Variants in ZFHX3 observed in about 807,000 individuals in gnomAD.
The protein encoded by ZFHX3 is zinc finger homeobox protein 3.
In ZFHX3, 42 loss-of-function variants were observed where a neutral mutation model predicts 279.1. That is an observed-to-expected ratio of 0.15 (90% CI 0.12 to 0.19). ZFHX3 has a LOEUF of 0.19. ZFHX3 is among the 10% of genes least tolerant of loss of function. The pLI is 1.00. For missense variants in ZFHX3, 4,981 were observed against 4,754.0 expected (o/e 1.05, Z -1.40); for synonymous variants, 2,293 against 1,957.8 (o/e 1.17, Z -4.52).
intron 8 of ZFHX3, chr16:73,083,345 A>T (rs1354587510): frequency 1.3e-5 from 2 of 152,268 alleles, no homozygotes; most frequent in African/African-American, 2.4e-5. Flanking sequence ...GTAGGATGTG[A>T]CATGGCTGGA....
intron 4 of ZFHX3, among the ~76,000 whole-genome samples, chr16:72,877,857 C>G (rs2144005500): frequency 6.6e-6 from 1 of 152,266 alleles, no homozygotes; most frequent in East Asian, 1.9e-4. Flanking sequence ...CAAAGAAGCC[C>G]CCTTAACTGG....
At chr16:73,647,118 TTC>T (rs2052626282) in intron 2 of ZFHX3, among the ~76,000 whole-genome samples, 2 of 151,286 alleles carry the variant, frequency 1.3e-5, no homozygotes, top group African/African-American at 4.9e-5. Flanking sequence ...GTTTACGCCA[TTC>T]TCCTGCCTCA....
chr16:73,591,076 AAG>A (rs1436726406), intron 2 of ZFHX3, among the ~76,000 whole-genome samples: 1 of 152,122 alleles, frequency 6.6e-6, no homozygotes, highest in Non-Finnish European at 1.5e-5. Context: ...AAAATAAGCC[AAG>A]TGTGTGCCTC....
At chr16:73,143,860 C>A in intron 5 of ZFHX3, 1 of 1,139,552 alleles carries the variant, frequency 8.8e-7, no homozygotes, top group Non-Finnish European at 1.2e-6. Context: ...GACAAAAACA[C>A]GGTTGGGGAG....
At chr16:73,421,706 T>G (rs1196225115) in intron 3 of ZFHX3, among the ~76,000 whole-genome samples, 1 of 152,150 alleles carries the variant, frequency 6.6e-6, no homozygotes, top group Non-Finnish European at 1.5e-5. Context: ...AATCTGCACT[T>G]GTGGCAGAAC....
chr16:73,419,025 CTAGAG>C (rs990963114), intron 3 of ZFHX3, among the ~76,000 whole-genome samples: 30 of 152,186 alleles, frequency 2.0e-4, no homozygotes, highest in Middle Eastern at 3.4e-3. Context: ...ACACTCAGCT[CTAGAG>C]TAAACAAAAT....
intron 1 of ZFHX3, among the ~76,000 whole-genome samples, chr16:73,785,923 T>G (rs1429310396): frequency 6.6e-6 from 1 of 152,022 alleles, no homozygotes; most frequent in Non-Finnish European, 1.5e-5. Flanking sequence ...CAGGCTGGAG[T>G]GCAATGGTGC....
intron 3 of ZFHX3, among the ~76,000 whole-genome samples, chr16:73,329,680 TG>T (rs2015763107): frequency 6.6e-6 from 1 of 152,238 alleles, no homozygotes; most frequent in Non-Finnish European, 1.5e-5. Flanking sequence ...TAATGACTTT[TG>T]CTTTGTGTAA....
intron 1 of ZFHX3, among the ~76,000 whole-genome samples, chr16:72,962,036 AT>A (rs1271106758): frequency 6.6e-6 from 1 of 152,160 alleles, no homozygotes; most frequent in Non-Finnish European, 1.5e-5. Context: ...ATGACATCTG[AT>A]TGATAGCTTG....
intron 2 of ZFHX3, among the ~76,000 whole-genome samples, chr16:73,542,819 T>C (rs796847487): frequency 6.6e-6 from 1 of 152,152 alleles, no homozygotes; most frequent in African/African-American, 2.4e-5. Context: ...TTAATTGGCA[T>C]GTTGTATTTT....
chr16:73,629,218 C>T (rs924022861), intron 2 of ZFHX3, among the ~76,000 whole-genome samples: 2 of 152,180 alleles, frequency 1.3e-5, no homozygotes, highest in Admixed American at 1.3e-4. Flanking sequence ...TAATCCATCT[C>T]CTGCTGCACA....
chr16:73,890,792 C>A (rs951444091), intron 1 of ZFHX3, among the ~76,000 whole-genome samples: 9 of 152,112 alleles, frequency 5.9e-5, no homozygotes, highest in Non-Finnish European at 1.3e-4. Context: ...TAATCACGTG[C>A]GCTAGGGCTC....
intron 5 of ZFHX3, among the ~76,000 whole-genome samples, chr16:73,169,400 T>C (rs952064842): frequency 6.6e-6 from 1 of 152,208 alleles, no homozygotes; most frequent in Non-Finnish European, 1.5e-5. Context: ...CTGAAAGTCA[T>C]ATCTCATGGT....
At chr16:73,212,689 A>AT (rs1384373254) in intron 5 of ZFHX3, among the ~76,000 whole-genome samples, 4 of 152,202 alleles carry the variant, frequency 2.6e-5, no homozygotes, top group Admixed American at 1.3e-4. Context: ...GTTTACCTCA[A>AT]TATACTCCAC....
chr16:72,967,356 C>T (rs1961891801), intron 1 of ZFHX3, among the ~76,000 whole-genome samples: 1 of 151,918 alleles, frequency 6.6e-6, no homozygotes, highest in Non-Finnish European at 1.5e-5. Context: ...GGAGGGGCTC[C>T]CAGTGGCCAC....
chr16:73,002,387 C>T (rs763261711), intron 1 of ZFHX3, among the ~76,000 whole-genome samples: 39 of 152,168 alleles, frequency 2.6e-4, no homozygotes, highest in Middle Eastern at 3.4e-3. Flanking sequence ...CACAAAGTGA[C>T]GAGATAGAGA....
chr16:73,510,852 G>C (rs1338837592), intron 2 of ZFHX3, among the ~76,000 whole-genome samples: 2 of 152,208 alleles, frequency 1.3e-5, no homozygotes, highest in Non-Finnish European at 2.9e-5. Flanking sequence ...AATCCTTAAA[G>C]AAAGACCTCA....
chr16:73,031,257 G>C (rs1964685815), intron 1 of ZFHX3, among the ~76,000 whole-genome samples: 1 of 151,904 alleles, frequency 6.6e-6, no homozygotes, highest in Non-Finnish European at 1.5e-5. Context: ...ATCCCAGGTA[G>C]CCGACCAAAA....
intron 3 of ZFHX3, among the ~76,000 whole-genome samples, chr16:72,923,650 G>C (rs965670156): frequency 2.0e-5 from 3 of 151,842 alleles, no homozygotes; most frequent in Admixed American, 6.6e-5. Flanking sequence ...GAGCACCCAG[G>C]AATTAAGACC....
Sources: gnomAD v4.1 joint callset for allele counts (sites outside exome capture counted in the v4.1 genomes callset) on GRCh38, gnomAD v4.1.1 for gene constraint, MANE v1.5 for transcripts, NCBI Gene and HGNC (gene_info 2026-07-23, HGNC 2026-07-21) for gene names.